LRBA: variants seen among roughly 807,000 people sequenced by gnomAD.
LRBA encodes the protein lipopolysaccharide-responsive and beige-like anchor protein.
LRBA carries 176 observed loss-of-function variants against 330.0 expected under a neutral mutation model. The ratio of observed to expected loss-of-function variants is 0.53; its 90% confidence interval spans 0.47 to 0.60. The LOEUF (loss-of-function observed/expected upper bound fraction) is 0.60. LRBA is among the 20% of genes least tolerant of loss of function. The probability of loss-of-function intolerance (pLI) is 0.00; values close to 1 mark genes in which losing one functional copy is unlikely to be tolerated. For missense variants in LRBA, 3,259 were observed against 3,444.8 expected, an observed-to-expected ratio of 0.95 and a Z score of 1.35; for synonymous variants, 1,230 against 1,193.0, an observed-to-expected ratio of 1.03 and a Z score of -0.64.
chr4:150,373,949 C>A (rs984607028), intron 47 of LRBA, among the ~76,000 whole-genome samples: 2 of 152,124 alleles, frequency 1.3e-5, no homozygotes, highest in Non-Finnish European at 1.5e-5. Flanking sequence ...TTTTCTGAGA[C>A]TATTATCTGC....
chr4:150,274,753 C>T (rs528382082), intron 56 of LRBA, among the ~76,000 whole-genome samples: 1 of 152,222 alleles, frequency 6.6e-6, no homozygotes, highest in African/African-American at 2.4e-5. Flanking sequence ...AGGAAGAAGT[C>T]AAATCCCTGA....
At chr4:150,349,949 A>G (rs1310160412) in intron 48 of LRBA, 43 bp downstream of exon 48, 3 of 1,577,172 alleles carry the variant, frequency 1.9e-6, no homozygotes. Flanking sequence ...TCTAGTTTAA[A>G]TATACCTGAC....
chr4:150,639,805 A>ATG lies in LRBA; in HGVS notation c.5922-40676_5922-40675dup, dbSNP rs1166703144. Among the ~76,000 whole-genome samples the ATG allele has an allele frequency of 2.7e-3, 22 of 8,146 alleles. 1 individual carries two copies. The highest frequency in any genetic ancestry group is 0.024 in the South Asian group (3 of 126). 5.3% of individuals were successfully genotyped at this position (8,146 alleles called of 152,430 possible). A position where few individuals can be genotyped will look rare whatever the true frequency, so the allele number is the denominator to read the frequency against. ...TATGTGTGTGTGTATATATATATAT[A>ATG]TGTGTGTGTGTGTGTATATATATAT... On this transcript the variant is annotated intron_variant, in intron 37 of 56. Transcript: ENST00000651943.
intron 52 of LRBA, among the ~76,000 whole-genome samples, chr4:150,304,432 A>C (rs1730092406): frequency 6.6e-6 from 1 of 152,212 alleles, no homozygotes. Flanking sequence ...AGTCTTGCAT[A>C]TAGCCTACTT....
At chr4:150,906,891 G>A (rs1257717795) in intron 11 of LRBA, among the ~76,000 whole-genome samples, 1 of 151,940 alleles carries the variant, frequency 6.6e-6, no homozygotes, top group East Asian at 1.9e-4. Flanking sequence ...ATGGAGCAGA[G>A]GGCACATGAA....
At chr4:150,906,505 T>C in intron 11 of LRBA, 100 bp from the exon 12 acceptor site, 1 of 617,476 alleles carries the variant, frequency 1.6e-6, no homozygotes, top group African/African-American at 1.9e-5. Flanking sequence ...AATAAAAAGT[T>C]CTCCATTTCA....
intron 5 of LRBA, 22 bp downstream of exon 5, chr4:150,921,176 T>G (rs371895220): frequency 2.6e-5 from 39 of 1,487,426 alleles, no homozygotes; most frequent in Middle Eastern, 3.4e-4. Context: ...TGGGAGTGAT[T>G]TCCTCATTAA....
At chr4:150,927,839 AAG>A (rs1734050181) in intron 4 of LRBA, among the ~76,000 whole-genome samples, 1 of 152,218 alleles carries the variant, frequency 6.6e-6, no homozygotes, top group Non-Finnish European at 1.5e-5. Flanking sequence ...CATAATGAAA[AAG>A]AGTAATTGTA....
chr4:150,551,316 G>A (rs1011350896), intron 40 of LRBA, among the ~76,000 whole-genome samples: 1 of 152,158 alleles, frequency 6.6e-6, no homozygotes, highest in Non-Finnish European at 1.5e-5. Flanking sequence ...CTAATGAAAT[G>A]AATATGTAAA....
At chr4:150,762,831 C>T (rs568193261) in intron 34 of LRBA, among the ~76,000 whole-genome samples, 3 of 152,074 alleles carry the variant, frequency 2.0e-5, no homozygotes, top group East Asian at 1.9e-4. Context: ...CCACTGCTCA[C>T]TATAAACCAT....
At chr4:150,444,110 C>A (rs1012029617) in intron 44 of LRBA, among the ~76,000 whole-genome samples, 8 of 151,550 alleles carry the variant, frequency 5.3e-5, no homozygotes, top group African/African-American at 1.9e-4. Flanking sequence ...TTTTAAAAAG[C>A]GTATTTTATC....
At chr4:150,528,962 T>C (rs1022170817) in intron 40 of LRBA, among the ~76,000 whole-genome samples, 1 of 152,188 alleles carries the variant, frequency 6.6e-6, no homozygotes, top group African/African-American at 2.4e-5. Flanking sequence ...TTGGTATGCA[T>C]AGAACCAAAT....
intron 40 of LRBA, among the ~76,000 whole-genome samples, chr4:150,541,983 A>G (rs550509276): frequency 6.6e-6 from 1 of 152,362 alleles, no homozygotes; most frequent in South Asian, 2.1e-4. Flanking sequence ...AAGTAAATAA[A>G]TGGAAAAATA....
intron 46 of LRBA, among the ~76,000 whole-genome samples, chr4:150,434,637 C>A (rs1216108262): frequency 6.6e-6 from 1 of 151,950 alleles, no homozygotes; most frequent in Non-Finnish European, 1.5e-5. Context: ...AGGAAGATCG[C>A]GTAAGACAGT....
chr4:150,571,293 G>A (rs892867762), intron 40 of LRBA, among the ~76,000 whole-genome samples: 5 of 151,716 alleles, frequency 3.3e-5, no homozygotes, highest in Non-Finnish European at 5.9e-5. Flanking sequence ...AAGATTCTCA[G>A]GTAAATCTTT....
intron 2 of LRBA, among the ~76,000 whole-genome samples, chr4:150,995,779 T>A (rs1324592602): frequency 1.3e-5 from 2 of 152,060 alleles, no homozygotes; most frequent in East Asian, 3.9e-4. Flanking sequence ...ACAAAATACC[T>A]CAATAAATAT....
intron 37 of LRBA, among the ~76,000 whole-genome samples, chr4:150,648,158 C>CA: frequency 0.085 from 1,546 of 18,098 alleles, 161 homozygotes; most frequent in African/African-American, 0.13. Context: ...ACACAAGTAG[C>CA]AAAAAAAAAA....
rs145709687 is a variant in LRBA, at chr4:150,265,730, G to A, written c.8551C>T (p.Arg2851Cys). The A allele has an allele frequency of 1.8e-3, 2,884 of 1,608,596 alleles. 4 individuals carry two copies. Among genetic ancestry groups the A allele is most frequent in the Non-Finnish European group, 2.3e-3 (2,652 of 1,175,076 alleles). ...FNRWHHEYQT[R>C]Y ...ATGTACAGCTGTCACCATCAGTAGCGGGTTTGGTATTCATGATGCCACCGG... is the reference window on the plus strand; with the variant it reads ...ATGTACAGCTGTCACCATCAGTAGCAGGTTTGGTATTCATGATGCCACCGG... The change falls in exon 57 of 57, where the codon CGC (arginine) becomes TGC (cysteine). Residue 2851 changes from arginine (R) to cysteine (C), a missense_variant. Transcript: ENST00000651943.
chr4:150,556,397 C>T (rs1252514001), intron 40 of LRBA, among the ~76,000 whole-genome samples: 1 of 152,138 alleles, frequency 6.6e-6, no homozygotes, highest in Non-Finnish European at 1.5e-5. Flanking sequence ...ATGTCTAAAG[C>T]TCTACGAGGA....
Sources: allele counts gnomAD v4.1 joint callset (sites outside exome capture counted in the v4.1 genomes callset), GRCh38; gene constraint gnomAD v4.1.1; transcripts MANE v1.5; gene names NCBI Gene and HGNC (gene_info 2026-07-23, HGNC 2026-07-21).